Variants in PCDHA8 observed in about 807,000 individuals in gnomAD.
The protein encoded by PCDHA8 is protocadherin alpha-8.
Under a neutral mutation model 61.8 loss-of-function variants are expected in PCDHA8, and 53 were observed. The ratio of observed to expected loss-of-function variants is 0.86; its 90% confidence interval spans 0.69 to 1.08. The LOEUF (loss-of-function observed/expected upper bound fraction) is 1.08, where lower values mean the gene tolerates loss of function less well. PCDHA8 is among the 50% of genes least tolerant of loss of function. PCDHA8 has a pLI of 0.00. For synonymous variants in PCDHA8, 618 were observed against 556.6 expected, an observed-to-expected ratio of 1.11 and a Z score of -1.55; for missense variants, 1,293 against 1,245.0, an observed-to-expected ratio of 1.04 and a Z score of -0.58.
intron 1 of PCDHA8, chr5:140,884,288 C>T: frequency 6.2e-7 from 1 of 1,613,630 alleles, no homozygotes; most frequent in Non-Finnish European, 8.5e-7. Flanking sequence ...GGAGAGCGGC[C>T]AAGCGCCACA....
At chr5:140,872,131 A>G (rs2053496652) in intron 1 of PCDHA8, among the ~76,000 whole-genome samples, 1 of 152,148 alleles carries the variant, frequency 6.6e-6, no homozygotes, top group African/African-American at 2.4e-5. Context: ...TATCAAAGCT[A>G]GAATACTCCA....
chr5:140,946,782 C>T (rs1225488337), intron 1 of PCDHA8, among the ~76,000 whole-genome samples: 1 of 151,104 alleles, frequency 6.6e-6, no homozygotes, highest in African/African-American at 2.4e-5. Flanking sequence ...TGTAAAAAAG[C>T]TGATCTTATA....
At chr5:140,869,669 T>A in intron 1 of PCDHA8, 1 of 1,613,476 alleles carries the variant, frequency 6.2e-7, no homozygotes, top group South Asian at 1.1e-5. Flanking sequence ...GGTAAGCAGA[T>A]TAAAAGACTG....
At chr5:140,970,009 A>G (rs2096376687) in intron 1 of PCDHA8, among the ~76,000 whole-genome samples, 2 of 152,174 alleles carry the variant, frequency 1.3e-5, no homozygotes, top group African/African-American at 4.8e-5. Flanking sequence ...GGAGTGGATG[A>G]TGGTGAGGCA....
chr5:140,856,424 AACG>A, intron 1 of PCDHA8: 1 of 1,598,418 alleles, frequency 6.3e-7, no homozygotes, highest in Non-Finnish European at 8.6e-7. Context: ...GAAGGACATT[AACG>A]ACAACCCGCC....
chr5:140,898,040 GT>G (rs1301370622), intron 1 of PCDHA8, among the ~76,000 whole-genome samples: 7 of 151,970 alleles, frequency 4.6e-5, no homozygotes, highest in Non-Finnish European at 8.8e-5. Flanking sequence ...GGGGTTGTTT[GT>G]TTTTTTCTTG....
chr5:140,907,598 A>G (rs2073483512), intron 1 of PCDHA8, among the ~76,000 whole-genome samples: 1 of 152,198 alleles, frequency 6.6e-6, no homozygotes, highest in Admixed American at 6.5e-5. Context: ...CACCCTGAGG[A>G]ATGGTGCCAT....
chr5:140,876,398 A>C (rs782094508), intron 1 of PCDHA8: 1 of 1,613,962 alleles, frequency 6.2e-7, no homozygotes, highest in South Asian at 1.1e-5. Flanking sequence ...GGTGAACTGG[A>C]TTTTGAAGAG....
At chr5:140,940,572 C>G (rs1315567614) in intron 1 of PCDHA8, among the ~76,000 whole-genome samples, 1 of 152,096 alleles carries the variant, frequency 6.6e-6, no homozygotes, top group African/African-American at 2.4e-5. Context: ...CCTTGGCTCC[C>G]AAAGTGTTGG....
chr5:140,998,186 CA>C (rs1323195881), intron 3 of PCDHA8, among the ~76,000 whole-genome samples: 1 of 152,088 alleles, frequency 6.6e-6, no homozygotes, highest in African/African-American at 2.4e-5. Context: ...AAGCACTTTA[CA>C]AGTATTAACT....
intron 1 of PCDHA8, among the ~76,000 whole-genome samples, chr5:140,943,562 T>G (rs246066): frequency 0.58 from 88,255 of 152,018 alleles, 26,572 homozygotes; most frequent in African/African-American, 0.75. Flanking sequence ...ACAATAATCA[T>G]TTTAATTTGT....
At chr5:140,877,811 G>A in intron 1 of PCDHA8, 1 of 1,610,242 alleles carries the variant, frequency 6.2e-7, no homozygotes, top group Non-Finnish European at 8.5e-7. Context: ...CAGCTGTCTC[G>A]AGAAGATTGT....
At chr5:140,941,409 C>G (rs1284702446) in intron 1 of PCDHA8, among the ~76,000 whole-genome samples, 1 of 149,924 alleles carries the variant, frequency 6.7e-6, no homozygotes, top group Non-Finnish European at 1.5e-5. Flanking sequence ...CTCCGCCTCC[C>G]GGGTTCAAGC....
intron 1 of PCDHA8, chr5:140,875,247 A>G (rs1427742475): frequency 2.1e-6 from 2 of 962,258 alleles, no homozygotes; most frequent in Non-Finnish European, 2.9e-6. Context: ...TTACATAATC[A>G]GTCACATGAT....
At chr5:140,952,125 AG>A (rs1234128402) in intron 1 of PCDHA8, among the ~76,000 whole-genome samples, 1 of 152,092 alleles carries the variant, frequency 6.6e-6, no homozygotes, top group Non-Finnish European at 1.5e-5. Context: ...TGGGCTCCCA[AG>A]GCCTTGGGAA....
intron 1 of PCDHA8, among the ~76,000 whole-genome samples, chr5:140,904,227 C>G (rs1373458999): frequency 2.6e-5 from 4 of 151,978 alleles, no homozygotes; most frequent in Middle Eastern, 3.2e-3. Context: ...TTGTATTATA[C>G]TTATGCCTTT....
intron 1 of PCDHA8, among the ~76,000 whole-genome samples, chr5:140,908,124 C>A (rs782391085): frequency 6.6e-6 from 1 of 152,234 alleles, no homozygotes; most frequent in Non-Finnish European, 1.5e-5. Flanking sequence ...GATTTCCCTT[C>A]ACTGCTGTCC....
rs185756096 is a variant in PCDHA8, at chr5:140,914,471, T to C, written c.2395-64478T>C. On this transcript the variant is annotated intron_variant, in intron 1 of 3. Coordinates refer to ENST00000531613, the MANE Select transcript of PCDHA8 (RefSeq NM_018911.3). The stretch of plus-strand genomic sequence containing the variant: ...ATTTTCCAGTCTATGTGTATCTTCA[T>C]AGGTGAAGTGTTTCTTGTGGGCAAC... Among the ~76,000 whole-genome samples the C allele has an allele frequency of 2.9e-3, 442 of 152,310 alleles. 1 individual carries two copies. Among genetic ancestry groups the C allele is most frequent in the African/African-American group, 0.01 (423 of 41,574 alleles).
chr5:140,931,414 T>C (rs2087515742), intron 1 of PCDHA8, among the ~76,000 whole-genome samples: 1 of 151,886 alleles, frequency 6.6e-6, no homozygotes, highest in Non-Finnish European at 1.5e-5. Context: ...GGCTGATGAA[T>C]CTAGAAGTTA....
Sources: gnomAD v4.1 joint callset for allele counts (sites outside exome capture counted in the v4.1 genomes callset) on GRCh38, gnomAD v4.1.1 for gene constraint, MANE v1.5 for transcripts, NCBI Gene and HGNC (gene_info 2026-07-23, HGNC 2026-07-21) for gene names.